The following STS variants were observed in gnomAD, a reference collection of about 807,000 sequenced individuals.
STS encodes steroid sulfatase, also known as steryl-sulfatase.
In STS, 7 loss-of-function variants were observed where a neutral mutation model predicts 26.8. The ratio of observed to expected loss-of-function variants is 0.26; its 90% CI spans 0.15 to 0.49. The LOEUF (loss-of-function observed/expected upper bound fraction) is 0.49. Ranked by LOEUF, STS falls within the 20% of genes least tolerant of loss-of-function variation. STS has a pLI of 0.98. For missense variants in STS, 434 were observed against 465.6 expected, an observed-to-expected ratio of 0.93 and a Z score of 0.63; for synonymous variants, 199 against 189.4, an observed-to-expected ratio of 1.05 and a Z score of -0.42.
intron 2 of STS, among the ~76,000 whole-genome samples, chrX:7,210,809 C>T (rs2147038572): frequency 9.1e-6 from 1 of 109,755 alleles, no homozygotes; most frequent in South Asian, 3.8e-4. Context: ...AGATCTCTAG[C>T]TTTGGATAGA....
intron 3 of STS, among the ~76,000 whole-genome samples, chrX:7,256,656 C>T (rs1242567605): frequency 1.8e-5 from 2 of 111,437 alleles, no homozygotes; most frequent in Non-Finnish European, 3.8e-5. Flanking sequence ...TCCTCATTCA[C>T]CCCTTACTTT....
intron 2 of STS, among the ~76,000 whole-genome samples, chrX:7,242,992 C>T (rs1601680100): frequency 8.9e-6 from 1 of 112,599 alleles, no homozygotes; most frequent in Non-Finnish European, 1.9e-5. Context: ...TTGCTTTCCA[C>T]TGGAAAGGTG....
intron 2 of STS, among the ~76,000 whole-genome samples, chrX:7,230,726 G>A (rs1447175402): frequency 3.6e-5 from 4 of 111,042 alleles, no homozygotes; most frequent in Non-Finnish European, 7.5e-5. Context: ...TCTCATGAGA[G>A]CTCACTATCA....
chrX:7,349,315 CCTTTTTTTTTTTTTTT>C (rs1262912171), intron 10 of STS, among the ~76,000 whole-genome samples: 1 of 20,285 alleles, frequency 4.9e-5, no homozygotes, highest in Non-Finnish European at 9.1e-5. Flanking sequence ...TCATTTAATT[CCTTTTTTTTTTTTTTT>C]TTTTTTTTTT....
At chrX:7,197,565 T>C (rs1933993720) in intron 2 of STS, among the ~76,000 whole-genome samples, 1 of 112,322 alleles carries the variant, frequency 8.9e-6, no homozygotes, top group Non-Finnish European at 1.9e-5. Flanking sequence ...TGTGCTCTGC[T>C]ACAAGTGTTT....
At chrX:7,229,874 C>T (rs1169024790) in intron 2 of STS, among the ~76,000 whole-genome samples, 1 of 109,230 alleles carries the variant, frequency 9.2e-6, no homozygotes, top group African/African-American at 3.3e-5. Context: ...GCATCTTCAG[C>T]CTTTTTTTTG....
At chrX:7,227,377 A>G (rs891346725) in intron 2 of STS, among the ~76,000 whole-genome samples, 5 of 111,399 alleles carry the variant, frequency 4.5e-5, no homozygotes, top group Admixed American at 3.8e-4. Flanking sequence ...TCATTCCCCA[A>G]AAAGTAAATT....
In STS at chrX:7,170,377, T is replaced by G. The variant is rs749134764; in HGVS notation, c.-133-20503T>G. 8.0e-4 allele frequency among the ~76,000 whole-genome samples: 89 copies of G among 111,133 alleles called. No individual in the cohort carries two copies. In the Middle Eastern group the frequency reaches 0.018, roughly 23 times the overall value. On this transcript the variant is annotated intron_variant, in intron 1 of 10. Transcript: ENST00000674429. ...TGGTAATTTAATCAAAACATTCAAT[T>G]GTACAACTGGGTGAATTCAATGCAA...
intron 9 of STS, 133 bp from the exon 10 acceptor site, chrX:7,333,853 A>G (rs1927878515): frequency 1.1e-6 from 1 of 876,364 alleles, no homozygotes; most frequent in African/African-American, 2.0e-5. Flanking sequence ...TGTGTTGCAC[A>G]GGGCACCCAG....
chrX:7,162,765 G>T (rs2146990431), intron 1 of STS, among the ~76,000 whole-genome samples: 1 of 107,529 alleles, frequency 9.3e-6, no homozygotes, highest in African/African-American at 3.4e-5. Flanking sequence ...GTGTAAGACT[G>T]GCCGGGCGCA....
At chrX:7,167,435 C>T (rs1347180790) in intron 1 of STS, among the ~76,000 whole-genome samples, 2 of 111,059 alleles carry the variant, frequency 1.8e-5, no homozygotes, top group African/African-American at 6.5e-5. Flanking sequence ...AGGCTGGTCT[C>T]GAACTCCTGA....
chrX:7,349,544 C>T (rs1185590636), intron 10 of STS, among the ~76,000 whole-genome samples: 2 of 107,778 alleles, frequency 1.9e-5, no homozygotes, highest in African/African-American at 6.8e-5. Flanking sequence ...GCCATGTTGG[C>T]CAGGCTGGTC....
chrX:7,219,525 G>A (rs1921456166), intron 2 of STS: 1 of 1,174,935 alleles, frequency 8.5e-7, no homozygotes, highest in Non-Finnish European at 1.1e-6. Flanking sequence ...TGATTGAGTA[G>A]GATTGGCCTG....
chrX:7,226,269 C>T (rs1003234736), intron 2 of STS, among the ~76,000 whole-genome samples: 2 of 111,919 alleles, frequency 1.8e-5, no homozygotes, highest in African/African-American at 6.5e-5. Flanking sequence ...TGGGGTCTCA[C>T]CTCTTTCACT....
intron 7 of STS, among the ~76,000 whole-genome samples, chrX:7,302,997 A>C (rs1483632442): frequency 1.8e-5 from 2 of 111,295 alleles, no homozygotes; most frequent in Non-Finnish European, 3.8e-5. Flanking sequence ...CTTATTACTC[A>C]TATAATGTGG....
At chrX:7,349,742 G>A in intron 10 of STS, 146 bp from the exon 11 acceptor site, 1 of 834,686 alleles carries the variant, frequency 1.2e-6, no homozygotes, top group Non-Finnish European at 1.7e-6. Context: ...AATCTTTCCT[G>A]TACATATTAA....
At chrX:7,330,589 G>C (rs1253684079) in intron 9 of STS, among the ~76,000 whole-genome samples, 5 of 112,597 alleles carry the variant, frequency 4.4e-5, no homozygotes, top group African/African-American at 1.6e-4. Context: ...ATGGAGACAA[G>C]GAATGGATTT....
intron 8 of STS, among the ~76,000 whole-genome samples, chrX:7,321,798 C>T (rs987769802): frequency 1.8e-5 from 2 of 112,116 alleles, no homozygotes; most frequent in Non-Finnish European, 3.8e-5. Flanking sequence ...TTGTCCCCAG[C>T]CTAAATTCCT....
intron 1 of STS, among the ~76,000 whole-genome samples, chrX:7,170,772 A>G (rs1158348552): frequency 9.0e-6 from 1 of 111,173 alleles, no homozygotes; most frequent in Non-Finnish European, 1.9e-5. Context: ...CGTGTGAGCC[A>G]CTGTACCAGG....
Sources: allele counts gnomAD v4.1 joint callset (sites outside exome capture counted in the v4.1 genomes callset), GRCh38; gene constraint gnomAD v4.1.1; transcripts MANE v1.5; gene names NCBI Gene and HGNC (gene_info 2026-07-23, HGNC 2026-07-21).